The following MAGI2 variants were observed in gnomAD, a reference collection of about 807,000 sequenced individuals.
The protein encoded by MAGI2 is membrane associated guanylate kinase, WW and PDZ domain containing 2, also known as membrane-associated guanylate kinase, WW and PDZ domain-containing protein 2.
Under a neutral mutation model 133.3 loss-of-function variants are expected in MAGI2, and 35 were observed. The observed-to-expected ratio is 0.26, with a 90% CI of 0.20 to 0.35. MAGI2 has a LOEUF of 0.35. Ranked by LOEUF, MAGI2 falls within the 10% of genes least tolerant of loss-of-function variation. MAGI2 has a pLI of 1.00. For missense variants in MAGI2, 1,636 were observed against 1,863.4 expected, an observed-to-expected ratio of 0.88 and a Z score of 2.25; for synonymous variants, 729 against 710.6, an observed-to-expected ratio of 1.03 and a Z score of -0.41.
chr7:79,284,986 T>A (rs1052328359), intron 1 of MAGI2, among the ~76,000 whole-genome samples: 1 of 152,028 alleles, frequency 6.6e-6, no homozygotes, highest in East Asian at 1.9e-4. Flanking sequence ...TTATAAATAA[T>A]ATAAGATCTA....
At chr7:78,120,027 G>A (rs1470247483) in intron 20 of MAGI2, among the ~76,000 whole-genome samples, 1 of 152,122 alleles carries the variant, frequency 6.6e-6, no homozygotes, top group African/African-American at 2.4e-5. Context: ...GGAAAGACTC[G>A]ATATTATAAA....
intron 1 of MAGI2, among the ~76,000 whole-genome samples, chr7:79,370,984 C>T (rs1843013218): frequency 6.6e-6 from 1 of 151,768 alleles, no homozygotes; most frequent in South Asian, 2.1e-4. Context: ...TATAGATATC[C>T]TTGTCTAGTC....
At position 78,822,907 on chromosome 7, in the gene MAGI2, T is replaced by A. The variant is rs74489772; in HGVS notation, c.418+184183A>T. Among the ~76,000 whole-genome samples, 20 of 152,272 alleles carry A rather than the reference T, an allele frequency of 1.3e-4. No individual in the cohort carries two copies. In the East Asian group the frequency reaches 3.9e-3, roughly 29 times the overall value. ...TATCTGAATTATTTTCCAAATGGAG[T>A]TATTTTCAACTACAATAAACTATGG... On this transcript the variant is annotated intron_variant, in intron 2 of 21. Transcript: ENST00000354212.
chr7:78,567,784 C>G (rs1002474904), intron 3 of MAGI2, among the ~76,000 whole-genome samples: 4 of 152,132 alleles, frequency 2.6e-5, no homozygotes, highest in Non-Finnish European at 4.4e-5. Flanking sequence ...CCTATTTTCA[C>G]CCCCCATCTC....
At chr7:79,134,333 C>T (rs1488968563) in intron 1 of MAGI2, among the ~76,000 whole-genome samples, 2 of 152,146 alleles carry the variant, frequency 1.3e-5, no homozygotes, top group African/African-American at 2.4e-5. Flanking sequence ...TCTCATCAAA[C>T]CCTCTTTAGT....
intron 3 of MAGI2, among the ~76,000 whole-genome samples, chr7:78,624,296 G>C (rs991534170): frequency 1.3e-5 from 2 of 152,094 alleles, no homozygotes; most frequent in Admixed American, 1.3e-4. Flanking sequence ...TTCTTTGGCT[G>C]TGCAGAAGCT....
intron 1 of MAGI2, among the ~76,000 whole-genome samples, chr7:79,099,532 A>G (rs560099406): frequency 6.8e-4 from 103 of 152,114 alleles, no homozygotes; most frequent in Non-Finnish European, 1.3e-3. Context: ...ATATAGGTAA[A>G]TTGCTTGTCA....
At chr7:78,405,794 T>C (rs1038558985) in intron 6 of MAGI2, among the ~76,000 whole-genome samples, 1 of 152,058 alleles carries the variant, frequency 6.6e-6, no homozygotes, top group African/African-American at 2.4e-5. Context: ...ATGGACTTTT[T>C]TGCATTTCTA....
intron 1 of MAGI2, among the ~76,000 whole-genome samples, chr7:79,318,801 T>C (rs187181265): frequency 6.6e-6 from 1 of 152,298 alleles, no homozygotes; most frequent in South Asian, 2.1e-4. Flanking sequence ...CTTTTTCCAG[T>C]AAGTTTTCCT....
intron 1 of MAGI2, among the ~76,000 whole-genome samples, chr7:79,178,217 G>A (rs1469841149): frequency 1.3e-5 from 2 of 151,690 alleles, no homozygotes; most frequent in African/African-American, 4.9e-5. Flanking sequence ...CATCTTTATG[G>A]GATGAAATTA....
intron 2 of MAGI2, among the ~76,000 whole-genome samples, chr7:78,645,125 T>G (rs1810727625): frequency 6.6e-6 from 1 of 152,120 alleles, no homozygotes; most frequent in Non-Finnish European, 1.5e-5. Context: ...TGTGTGTGTG[T>G]GTGTGTATGT....
At chr7:78,867,693 T>TAAGA (rs1156792174) in intron 2 of MAGI2, among the ~76,000 whole-genome samples, 1 of 145,442 alleles carries the variant, frequency 6.9e-6, no homozygotes, top group African/African-American at 2.5e-5. Context: ...AGTATAATAA[T>TAAGA]AATAAAGAAA....
At chr7:78,270,794 T>C (rs1320796763) in intron 9 of MAGI2, among the ~76,000 whole-genome samples, 3 of 152,078 alleles carry the variant, frequency 2.0e-5, no homozygotes, top group Non-Finnish European at 4.4e-5. Flanking sequence ...GCAGACCTAA[T>C]AGACATCTAC....
intron 6 of MAGI2, chr7:78,484,656 AGTT>A (rs1324179060): frequency 3.4e-5 from 5 of 147,816 alleles, no homozygotes; most frequent in African/African-American, 1.3e-4. Context: ...AGTAATTCAA[AGTT>A]GTTAAGGTAG....
At chr7:79,429,391 C>A (rs2129185349) in intron 1 of MAGI2, among the ~76,000 whole-genome samples, 1 of 152,122 alleles carries the variant, frequency 6.6e-6, no homozygotes, top group African/African-American at 2.4e-5. Context: ...CAACCTCTGC[C>A]TCTCAGGTTC....
chr7:78,073,314 C>T (rs1329831085), intron 21 of MAGI2, among the ~76,000 whole-genome samples: 2 of 144,162 alleles, frequency 1.4e-5, no homozygotes, highest in Non-Finnish European at 3.0e-5. Context: ...TTGGCTGTTT[C>T]TCCCCCTTGG....
intron 1 of MAGI2, among the ~76,000 whole-genome samples, chr7:79,307,315 A>ATC (rs1837905804): frequency 6.6e-6 from 1 of 152,170 alleles, no homozygotes; most frequent in Non-Finnish European, 1.5e-5. Context: ...ATACTCTAAG[A>ATC]AGAGTCACAG....
intron 2 of MAGI2, among the ~76,000 whole-genome samples, chr7:78,916,951 A>G (rs1285823124): frequency 6.6e-6 from 1 of 152,138 alleles, no homozygotes; most frequent in East Asian, 1.9e-4. Context: ...GGATCAAGAG[A>G]CTTTAATTAT....
chr7:78,801,612 G>GT (rs35038628), intron 2 of MAGI2, among the ~76,000 whole-genome samples: 70,480 of 151,674 alleles, frequency 0.46, 17,209 homozygotes, highest in South Asian at 0.57. Flanking sequence ...AATAAAAAGG[G>GT]TTTTTTTTGG....
Sources: allele counts gnomAD v4.1 joint callset (sites outside exome capture counted in the v4.1 genomes callset), GRCh38; gene constraint gnomAD v4.1.1; transcripts MANE v1.5; gene names NCBI Gene and HGNC (gene_info 2026-07-23, HGNC 2026-07-21).